The following CYP2C19 variants were observed in gnomAD, a reference collection of about 807,000 sequenced individuals.
The protein encoded by CYP2C19 is cytochrome P450 2C19.
A neutral mutation model predicts 40.9 loss-of-function variants in CYP2C19; 59 were observed. The ratio of observed to expected loss-of-function variants is 1.44; its 90% confidence interval spans 1.17 to 1.79. The LOEUF (loss-of-function observed/expected upper bound fraction) is 1.79, where lower values mean the gene tolerates loss of function less well. Ranked by LOEUF, CYP2C19 falls within the 40% of genes most tolerant of loss-of-function variation. The pLI is 0.00. For synonymous variants in CYP2C19, 253 were observed against 208.7 expected (o/e 1.21, Z -1.83); for missense variants, 754 against 596.9 (o/e 1.26, Z -2.74).
rs765908270 is a variant in CYP2C19 at position 94,775,354 on chromosome 10, G to A, written c.332-36G>A. 35 of 1,612,674 alleles carry A rather than the reference G, an allele frequency of 2.2e-5. No homozygotes were observed. The African/African-American group carries it at 3.3e-4, about 15-fold the overall frequency. On this transcript the variant is annotated intron_variant, in intron 2 of 8. Coordinates refer to ENST00000371321, the MANE Select transcript of CYP2C19 (RefSeq NM_000769.4). ...GTGTCAGCTTCCTCTTTCTTGCCTG[G>A]GATCTCCCTCCTAGTTTCGTTTCTC...
chr10:94,782,394 TA>T (rs1848490796), intron 5 of CYP2C19, among the ~76,000 whole-genome samples: 1 of 151,884 alleles, frequency 6.6e-6, no homozygotes, highest in East Asian at 1.9e-4. Context: ...GAAATGCAAA[TA>T]AAAACAACAA....
At chr10:94,777,470 C>A (rs1848423540) in intron 3 of CYP2C19, among the ~76,000 whole-genome samples, 3 of 152,054 alleles carry the variant, frequency 2.0e-5, no homozygotes, top group African/African-American at 7.2e-5. Context: ...AACAATGGAA[C>A]AGAACAGAGA....
At chr10:94,817,291 T>C (rs907957293) in intron 5 of CYP2C19, among the ~76,000 whole-genome samples, 8 of 151,398 alleles carry the variant, frequency 5.3e-5, no homozygotes, top group Admixed American at 2.6e-4. Flanking sequence ...TGAGATGATA[T>C]CTCATTGTGG....
At chr10:94,810,880 T>G (rs1428881538) in intron 5 of CYP2C19, among the ~76,000 whole-genome samples, 2 of 152,202 alleles carry the variant, frequency 1.3e-5, no homozygotes, top group Non-Finnish European at 2.9e-5. Context: ...TGTCTCTATC[T>G]CCTTCAATTC....
chr10:94,778,323 C>T (rs562205366), intron 3 of CYP2C19, among the ~76,000 whole-genome samples: 1 of 152,292 alleles, frequency 6.6e-6, no homozygotes, highest in Non-Finnish European at 1.5e-5. Flanking sequence ...GGTCAGAGAA[C>T]AGCTGCGTTC....
At chr10:94,846,970 G>A (rs1012645033) in intron 7 of CYP2C19, among the ~76,000 whole-genome samples, 4 of 152,056 alleles carry the variant, frequency 2.6e-5, no homozygotes, top group Admixed American at 6.6e-5. Context: ...TCTAGAAGAC[G>A]TCGTTTGAAG....
chr10:94,845,482 C>T (rs1255822243), intron 7 of CYP2C19, among the ~76,000 whole-genome samples: 1 of 152,084 alleles, frequency 6.6e-6, no homozygotes, highest in African/African-American at 2.4e-5. Context: ...ATAAGACTTT[C>T]CTGTCCAGTA....
In CYP2C19 at chr10:94,827,520, G is replaced by T. The variant is rs376271673; in HGVS notation, c.961+6883G>T. Among the ~76,000 whole-genome samples the T allele has an allele frequency of 9.2e-5, 14 of 151,920 alleles. No individual in the cohort carries two copies. The South Asian group carries it at 2.5e-3, about 27-fold the overall frequency. On this transcript the variant is annotated intron_variant, in intron 6 of 8. Transcript: ENST00000371321. ...GATCGGTGGTGATATCCCCTTTATCGTTTTTTATTGCGTCTATTTGATTCT... is the reference window on the plus strand; with the variant it reads ...GATCGGTGGTGATATCCCCTTTATCTTTTTTTATTGCGTCTATTTGATTCT...
intron 7 of CYP2C19, among the ~76,000 whole-genome samples, chr10:94,844,795 G>A (rs573561796): frequency 6.6e-5 from 10 of 152,256 alleles, no homozygotes; most frequent in Admixed American, 6.5e-4. Context: ...CTCAAAATTA[G>A]GGTCTGAGGG....
chr10:94,811,489 C>T (rs948125618), intron 5 of CYP2C19, among the ~76,000 whole-genome samples: 12 of 151,960 alleles, frequency 7.9e-5, no homozygotes, highest in Admixed American at 5.9e-4. Flanking sequence ...GGTGTTAAAG[C>T]CTCCATCTAT....
rs111276460 is a variant in CYP2C19 at position 94,766,211 on chromosome 10, T to G, written c.168+3338T>G. Among the ~76,000 whole-genome samples the G allele has an allele frequency of 8.0e-3, 853 of 106,348 alleles. 13 individuals are homozygous for G. The highest frequency in any genetic ancestry group is 0.027 in the African/African-American group (781 of 28,606). 69.8% of individuals were successfully genotyped at this position (106,348 alleles called of 152,430 possible). On this transcript the variant is annotated intron_variant, in intron 1 of 8. Transcript: ENST00000371321. ...TGATAGATACAAAGCCAACAGTCAT[T>G]TGCCAGGGAAGGATTGGACTGGTTT...
chr10:94,838,776 A>G (rs180929232), intron 6 of CYP2C19, among the ~76,000 whole-genome samples: 1 of 152,194 alleles, frequency 6.6e-6, no homozygotes, highest in East Asian at 1.9e-4. Context: ...CTTAATGAAA[A>G]GAAAGTTGTA....
intron 6 of CYP2C19, among the ~76,000 whole-genome samples, chr10:94,824,357 A>G (rs1260164466): frequency 1.3e-5 from 2 of 152,322 alleles, no homozygotes; most frequent in East Asian, 1.9e-4. Flanking sequence ...CTACAAAAAG[A>G]TAAGTAAGAA....
At chr10:94,810,135 C>T (rs1403731161) in intron 5 of CYP2C19, among the ~76,000 whole-genome samples, 2 of 152,158 alleles carry the variant, frequency 1.3e-5, no homozygotes, top group East Asian at 3.9e-4. Context: ...CCACCTCAGC[C>T]TCCCAAAGTG....
intron 3 of CYP2C19, among the ~76,000 whole-genome samples, chr10:94,779,965 T>C (rs935670422): frequency 6.6e-6 from 1 of 152,244 alleles, no homozygotes; most frequent in Non-Finnish European, 1.5e-5. Context: ...TCTATTCATT[T>C]ATGTTTGTAT....
intron 5 of CYP2C19, among the ~76,000 whole-genome samples, chr10:94,817,593 A>G (rs1015202887): frequency 1.2e-4 from 17 of 144,546 alleles, no homozygotes; most frequent in African/African-American, 4.4e-4. Flanking sequence ...ATTAGATCCC[A>G]TTTGTCAATT....
intron 6 of CYP2C19, among the ~76,000 whole-genome samples, chr10:94,823,243 T>A (rs1564676775): frequency 6.6e-6 from 1 of 152,100 alleles, no homozygotes; most frequent in South Asian, 2.1e-4. Context: ...CTGCCTAGGT[T>A]TCCTACACAA....
intron 7 of CYP2C19, among the ~76,000 whole-genome samples, chr10:94,848,651 T>A (rs575591930): frequency 2.6e-3 from 396 of 152,344 alleles, no homozygotes; most frequent in African/African-American, 9.2e-3. Context: ...GCATTGAATC[T>A]ATAAATTACC....
intron 5 of CYP2C19, among the ~76,000 whole-genome samples, chr10:94,809,348 G>C (rs1342620663): frequency 6.6e-6 from 1 of 152,096 alleles, no homozygotes; most frequent in Non-Finnish European, 1.5e-5. Context: ...CCCTGTTAGA[G>C]GGGTAGTTTT....
Sources: gnomAD v4.1 joint callset for allele counts (sites outside exome capture counted in the v4.1 genomes callset) on GRCh38, gnomAD v4.1.1 for gene constraint, MANE v1.5 for transcripts, NCBI Gene and HGNC (gene_info 2026-07-23, HGNC 2026-07-21) for gene names.